The following SLC24A3 variants were observed in gnomAD, a reference collection of about 807,000 sequenced individuals.
The protein encoded by SLC24A3 is sodium/potassium/calcium exchanger 3.
In SLC24A3, 28 loss-of-function variants were observed where a neutral mutation model predicts 75.8. The ratio of observed to expected loss-of-function variants is 0.37; its 90% CI spans 0.27 to 0.51. The LOEUF (loss-of-function observed/expected upper bound fraction) is 0.51. Among genes scored for constraint, SLC24A3 ranks in the 20% least tolerant of loss-of-function variants. The probability of loss-of-function intolerance (pLI) is 0.94; values close to 1 mark genes in which losing one functional copy is unlikely to be tolerated. For synonymous variants in SLC24A3, 372 were observed against 334.1 expected, an observed-to-expected ratio of 1.11 and a Z score of -1.24; for missense variants, 663 against 847.8, an observed-to-expected ratio of 0.78 and a Z score of 2.71.
intron 2 of SLC24A3, among the ~76,000 whole-genome samples, chr20:19,494,233 G>A (rs1988249164): frequency 6.6e-6 from 1 of 152,218 alleles, no homozygotes; most frequent in Admixed American, 6.5e-5. Context: ...AGTCATGCCT[G>A]TGGAAAACTT....
chr20:19,581,006 A>G (rs2031211245), intron 4 of SLC24A3, among the ~76,000 whole-genome samples: 1 of 152,206 alleles, frequency 6.6e-6, no homozygotes, highest in African/African-American at 2.4e-5. Flanking sequence ...TAGTCCAGGA[A>G]CCACAGACTT....
chr20:19,472,305 TC>T (rs1301453168), intron 2 of SLC24A3, among the ~76,000 whole-genome samples: 1 of 152,170 alleles, frequency 6.6e-6, no homozygotes, highest in Non-Finnish European at 1.5e-5. Flanking sequence ...ACTCTAGGGG[TC>T]CAGTGAGGCG....
chr20:19,524,952 C>T (rs760532981), intron 3 of SLC24A3, among the ~76,000 whole-genome samples: 11 of 152,200 alleles, frequency 7.2e-5, no homozygotes, highest in Non-Finnish European at 1.6e-4. Flanking sequence ...TCTAATTTAT[C>T]AGGGCACACT....
chr20:19,382,678 T>C (rs1197120391), intron 2 of SLC24A3, among the ~76,000 whole-genome samples: 1 of 152,132 alleles, frequency 6.6e-6, no homozygotes, highest in Non-Finnish European at 1.5e-5. Context: ...ATAACCAAAC[T>C]GCACAAATGT....
chr20:19,588,762 G>C (rs2031333361), intron 6 of SLC24A3, among the ~76,000 whole-genome samples: 1 of 152,212 alleles, frequency 6.6e-6, no homozygotes, highest in Non-Finnish European at 1.5e-5. Context: ...CTTCATGCCA[G>C]TTTTGTAAAA....
At chr20:19,594,968 T>A (rs954003656) in intron 6 of SLC24A3, among the ~76,000 whole-genome samples, 1 of 152,164 alleles carries the variant, frequency 6.6e-6, no homozygotes, top group Non-Finnish European at 1.5e-5. Context: ...AATGGCACCA[T>A]TTAAAATGTA....
intron 3 of SLC24A3, among the ~76,000 whole-genome samples, chr20:19,576,811 C>T (rs1568661027): frequency 6.6e-6 from 1 of 152,098 alleles, no homozygotes; most frequent in African/African-American, 2.4e-5. Flanking sequence ...TTGGCTGTTT[C>T]AGTGAGTTGA....
chr20:19,440,992 C>T (rs192287415), intron 2 of SLC24A3, among the ~76,000 whole-genome samples: 5 of 152,064 alleles, frequency 3.3e-5, no homozygotes, highest in African/African-American at 1.2e-4. Context: ...GGGAAGCAGG[C>T]CGGATCCTGA....
chr20:19,378,369 G>C (rs1187825883), intron 2 of SLC24A3, among the ~76,000 whole-genome samples: 2 of 152,112 alleles, frequency 1.3e-5, no homozygotes, highest in Non-Finnish European at 2.9e-5. Context: ...AGTGGACAAA[G>C]CTAGACTCCT....
intron 7 of SLC24A3, among the ~76,000 whole-genome samples, chr20:19,654,835 T>C (rs6081696): frequency 0.64 from 96,663 of 151,278 alleles, 31,377 homozygotes; most frequent in African/African-American, 0.71. Context: ...TTAGTAGAGA[T>C]GGGGTTTCAC....
intron 2 of SLC24A3, among the ~76,000 whole-genome samples, chr20:19,467,884 A>C (rs1310584121): frequency 6.6e-6 from 1 of 151,470 alleles, no homozygotes; most frequent in East Asian, 1.9e-4. Context: ...CTGTCTCAAA[A>C]AAAAAAAAAA....
chr20:19,388,557 A>G (rs1270707285), intron 2 of SLC24A3, among the ~76,000 whole-genome samples: 3 of 152,138 alleles, frequency 2.0e-5, no homozygotes, highest in African/African-American at 7.2e-5. Flanking sequence ...TAGAAATACA[A>G]AAAATTAGCC....
intron 11 of SLC24A3, among the ~76,000 whole-genome samples, chr20:19,684,538 T>A (rs1189913239): frequency 6.6e-6 from 1 of 152,228 alleles, no homozygotes; most frequent in Non-Finnish European, 1.5e-5. Flanking sequence ...AGACATGGAC[T>A]AATTTCCATT....
intron 2 of SLC24A3, among the ~76,000 whole-genome samples, chr20:19,319,365 T>C (rs538688075): frequency 4.6e-5 from 7 of 152,220 alleles, no homozygotes; most frequent in Non-Finnish European, 1.0e-4. Flanking sequence ...TTGCGATTCA[T>C]AGGCTCTGCA....
At chr20:19,540,211 G>T (rs1055437477) in intron 3 of SLC24A3, among the ~76,000 whole-genome samples, 16 of 152,138 alleles carry the variant, frequency 1.1e-4, no homozygotes, top group African/African-American at 3.6e-4. Context: ...GTCCCAGCAT[G>T]ACCCATCCCA....
At chr20:19,224,367 A>G (rs1205287714) in intron 1 of SLC24A3, among the ~76,000 whole-genome samples, 1 of 152,128 alleles carries the variant, frequency 6.6e-6, no homozygotes, top group Non-Finnish European at 1.5e-5. Flanking sequence ...TCTACCCCCA[A>G]TAATTTTGCA....
intron 2 of SLC24A3, among the ~76,000 whole-genome samples, chr20:19,328,749 G>C (rs1480508036): frequency 6.6e-6 from 1 of 152,206 alleles, no homozygotes; most frequent in African/African-American, 2.4e-5. Context: ...GATAATAAGA[G>C]TGTGTGCATC....
chr20:19,268,604 A>G (rs1021155639), intron 1 of SLC24A3, among the ~76,000 whole-genome samples: 2 of 152,186 alleles, frequency 1.3e-5, no homozygotes, highest in Non-Finnish European at 2.9e-5. Context: ...GAGACTAGAA[A>G]CCCAAATTGA....
intron 3 of SLC24A3, among the ~76,000 whole-genome samples, chr20:19,553,025 C>T (rs2030722277): frequency 6.7e-6 from 1 of 149,602 alleles, no homozygotes; most frequent in Non-Finnish European, 1.5e-5. Context: ...CCTCCCTCCT[C>T]CCTTCCTCCT....
Sources: gnomAD v4.1 joint callset for allele counts (sites outside exome capture counted in the v4.1 genomes callset) on GRCh38, gnomAD v4.1.1 for gene constraint, MANE v1.5 for transcripts, NCBI Gene and HGNC (gene_info 2026-07-23, HGNC 2026-07-21) for gene names.